SGCD: variants seen among roughly 807,000 people sequenced by gnomAD.
The protein encoded by SGCD is delta-sarcoglycan.
A neutral mutation model predicts 36.6 loss-of-function variants in SGCD; 18 were observed. That is an observed-to-expected ratio of 0.49 (90% CI 0.34 to 0.73). SGCD has a LOEUF of 0.73. Ranked by LOEUF, SGCD falls within the 30% of genes least tolerant of loss-of-function variation. SGCD has a pLI of 0.01. For missense variants in SGCD, 387 were observed against 346.7 expected (o/e 1.12, Z -0.92); for synonymous variants, 133 against 130.6 (o/e 1.02, Z -0.12).
chr5:156,416,342 A>G (rs1392003442), intron 3 of SGCD, among the ~76,000 whole-genome samples: 1 of 152,210 alleles, frequency 6.6e-6, no homozygotes, highest in Non-Finnish European at 1.5e-5. Context: ...TAAGAATGAT[A>G]CATTGGACTT....
intron 3 of SGCD, among the ~76,000 whole-genome samples, chr5:156,416,315 G>A (rs557254341): frequency 6.6e-6 from 1 of 152,326 alleles, no homozygotes; most frequent in East Asian, 1.9e-4. Context: ...GACCTAAACT[G>A]TGAGGACACA....
At chr5:156,438,063 C>T (rs1169000978) in intron 3 of SGCD, among the ~76,000 whole-genome samples, 1 of 152,100 alleles carries the variant, frequency 6.6e-6, no homozygotes, top group Non-Finnish European at 1.5e-5. Context: ...TAAAATGGCA[C>T]CACACTCAAT....
At chr5:156,127,241 G>GA (rs1210121394) in intron 3 of SGCD, among the ~76,000 whole-genome samples, 1 of 151,900 alleles carries the variant, frequency 6.6e-6, no homozygotes, top group Admixed American at 6.6e-5. Flanking sequence ...CTACAAAATG[G>GA]AAAAAATAGA....
chr5:156,642,236 T>C (rs78941689), intron 6 of SGCD, among the ~76,000 whole-genome samples: 4,477 of 152,172 alleles, frequency 0.029, 195 homozygotes, highest in East Asian at 0.16. Context: ...TACCATCACA[T>C]TGATGGCTAG....
At chr5:156,304,829 C>T (rs962471424) in intron 3 of SGCD, among the ~76,000 whole-genome samples, 9 of 152,058 alleles carry the variant, frequency 5.9e-5, no homozygotes, top group South Asian at 4.1e-4. Context: ...GGAGATGAGG[C>T]GCTTGTTGGG....
rs148523520 is a variant in SGCD at position 156,133,773 on chromosome 5, T to C, written c.-44+9754T>C. On this transcript the variant is annotated intron_variant, in intron 3 of 9. Transcript: ENST00000517913. Reference sequence around the variant, plus strand: ...CAGTTACTGAAAAAAAGATCTGTGTTTTTCCCCTTGAGCATTATGTTTTGC... The same window carrying C: ...CAGTTACTGAAAAAAAGATCTGTGTCTTTCCCCTTGAGCATTATGTTTTGC... 6.5e-3 allele frequency among the ~76,000 whole-genome samples: 984 copies of C among 152,246 alleles called. 5 individuals are homozygous for C. The highest frequency in any genetic ancestry group is 0.024 in the Middle Eastern group (7 of 294).
chr5:156,731,436 G>A (rs760511423), intron 7 of SGCD, among the ~76,000 whole-genome samples: 20 of 152,100 alleles, frequency 1.3e-4, no homozygotes, highest in Admixed American at 7.9e-4. Context: ...GAACAGGTTC[G>A]GTGTCAGTCT....
chr5:156,648,561 G>GT (rs1352452905), intron 7 of SGCD, among the ~76,000 whole-genome samples: 1 of 152,118 alleles, frequency 6.6e-6, no homozygotes, highest in Non-Finnish European at 1.5e-5. Flanking sequence ...CTGGATGGCT[G>GT]TAAGGAAATA....
At chr5:156,390,268 A>G (rs1444156311) in intron 3 of SGCD, among the ~76,000 whole-genome samples, 1 of 152,168 alleles carries the variant, frequency 6.6e-6, no homozygotes, top group East Asian at 1.9e-4. Flanking sequence ...GAGGTATTTC[A>G]GAACAAGACA....
At chr5:156,679,043 G>A in intron 7 of SGCD, among the ~76,000 whole-genome samples, 1 of 152,190 alleles carries the variant, frequency 6.6e-6, no homozygotes, top group East Asian at 1.9e-4. Flanking sequence ...AGTGGAGAAT[G>A]CAGCATTTGT....
At chr5:156,733,705 T>A (rs943071328) in intron 7 of SGCD, among the ~76,000 whole-genome samples, 1 of 152,188 alleles carries the variant, frequency 6.6e-6, no homozygotes, top group African/African-American at 2.4e-5. Context: ...GAGTTAGCTC[T>A]TCTTGTTAAG....
chr5:156,202,143 C>T (rs1217791008), intron 3 of SGCD, among the ~76,000 whole-genome samples: 1 of 152,198 alleles, frequency 6.6e-6, no homozygotes, highest in Non-Finnish European at 1.5e-5. Flanking sequence ...ACAGGGGGTT[C>T]TTTCTTGGCC....
At chr5:155,860,435 T>A in the SGCD span, among the ~76,000 whole-genome samples, 1 of 152,224 alleles carries the variant, frequency 6.6e-6, no homozygotes, top group Non-Finnish European at 1.5e-5. Context: ...TCAAGTCAGA[T>A]TTGACTAAAG....
chr5:156,093,943 T>G (rs1761311687), intron 1 of SGCD, among the ~76,000 whole-genome samples: 1 of 152,202 alleles, frequency 6.6e-6, no homozygotes, highest in Non-Finnish European at 1.5e-5. Context: ...GCAGGCTGCT[T>G]GTTTTCATCT....
chr5:156,399,351 T>C (rs1228856662), intron 3 of SGCD, among the ~76,000 whole-genome samples: 2 of 152,176 alleles, frequency 1.3e-5, no homozygotes, highest in East Asian at 3.8e-4. Context: ...AGCAGCAATA[T>C]TCTCTATAAC....
At chr5:156,143,649 T>C (rs1762629009) in intron 3 of SGCD, among the ~76,000 whole-genome samples, 1 of 152,144 alleles carries the variant, frequency 6.6e-6, no homozygotes, top group Non-Finnish European at 1.5e-5. Context: ...CACAGAAGAT[T>C]ATTTTGGAGG....
intron 3 of SGCD, among the ~76,000 whole-genome samples, chr5:156,301,793 G>GTTT (rs377253200): frequency 7.0e-6 from 1 of 143,120 alleles, no homozygotes; most frequent in Non-Finnish European, 1.5e-5. Flanking sequence ...TAGGATAAAA[G>GTTT]TTTTTTTTTT....
intron 3 of SGCD, among the ~76,000 whole-genome samples, chr5:156,365,686 A>T (rs1173936667): frequency 1.3e-5 from 2 of 152,128 alleles, no homozygotes; most frequent in Non-Finnish European, 2.9e-5. Context: ...ATGCCCATAA[A>T]TATGGGCATA....
At chr5:156,025,344 A>G (rs1164158536) in intron 1 of SGCD, among the ~76,000 whole-genome samples, 1 of 152,234 alleles carries the variant, frequency 6.6e-6, no homozygotes, top group African/African-American at 2.4e-5. Flanking sequence ...GGTCCTGACT[A>G]ATGACAAGGG....
Sources: allele counts gnomAD v4.1 joint callset (sites outside exome capture counted in the v4.1 genomes callset), GRCh38; gene constraint gnomAD v4.1.1; transcripts MANE v1.5; gene names NCBI Gene and HGNC (gene_info 2026-07-23, HGNC 2026-07-21).